The following AGBL1 variants were observed in gnomAD, a reference collection of about 807,000 sequenced individuals.
AGBL1 encodes the protein cytosolic carboxypeptidase 4.
AGBL1 carries 130 observed loss-of-function variants against 118.9 expected under a neutral mutation model. The ratio of observed to expected loss-of-function variants is 1.09; its 90% confidence interval spans 0.95 to 1.26. AGBL1 has a LOEUF of 1.26. Ranked by LOEUF, AGBL1 falls within the 50% of genes most tolerant of loss-of-function variation. AGBL1 has a pLI of 0.00. For synonymous variants in AGBL1, 555 were observed against 478.9 expected (o/e 1.16, Z -2.08); for missense variants, 1,584 against 1,298.1 (o/e 1.22, Z -3.38).
intron 24 of AGBL1, among the ~76,000 whole-genome samples, chr15:86,994,307 C>A (rs1403092007): frequency 6.9e-6 from 1 of 144,206 alleles, no homozygotes; most frequent in African/African-American, 2.9e-5. Context: ...ATATCTCTCT[C>A]TCTCTATATA....
At chr15:86,991,751 A>G (rs2081338015) in intron 24 of AGBL1, among the ~76,000 whole-genome samples, 2 of 152,100 alleles carry the variant, frequency 1.3e-5, no homozygotes, top group Non-Finnish European at 2.9e-5. Context: ...AGCACTGCGT[A>G]TGGTTTCCTC....
chr15:86,952,041 G>T (rs1292429133), intron 23 of AGBL1, among the ~76,000 whole-genome samples: 1 of 152,006 alleles, frequency 6.6e-6, no homozygotes, highest in East Asian at 1.9e-4. Context: ...GACCAGCCTG[G>T]TCGACATGGT....
intron 22 of AGBL1, among the ~76,000 whole-genome samples, chr15:86,761,657 G>A (rs894302630): frequency 3.3e-5 from 5 of 152,002 alleles, no homozygotes; most frequent in African/African-American, 1.2e-4. Context: ...ATAATCATTT[G>A]TGCACTTTTT....
chr15:86,597,975 C>G (rs1170019822), intron 21 of AGBL1, among the ~76,000 whole-genome samples: 2 of 152,068 alleles, frequency 1.3e-5, no homozygotes, highest in Admixed American at 1.3e-4. Context: ...CCTGAGCTGA[C>G]TGATTTGGAG....
intron 22 of AGBL1, among the ~76,000 whole-genome samples, chr15:86,704,541 A>G (rs1489916558): frequency 7.2e-5 from 11 of 152,210 alleles, no homozygotes; most frequent in African/African-American, 1.2e-4. Flanking sequence ...GAAGTTCATC[A>G]TCACTGGTCA....
At chr15:86,436,807 A>G (rs2082005636) in intron 18 of AGBL1, among the ~76,000 whole-genome samples, 1 of 152,216 alleles carries the variant, frequency 6.6e-6, no homozygotes, top group South Asian at 2.1e-4. Flanking sequence ...GGATGTATAA[A>G]TACTTTTTTT....
chr15:86,756,239 C>T (rs1000831223), intron 22 of AGBL1, among the ~76,000 whole-genome samples: 1 of 151,342 alleles, frequency 6.6e-6, no homozygotes, highest in African/African-American at 2.5e-5. Context: ...GTAGTGCCCC[C>T]GCCCCCACCA....
chr15:86,610,283 G>T (rs2084638825), intron 21 of AGBL1, among the ~76,000 whole-genome samples: 1 of 133,818 alleles, frequency 7.5e-6, no homozygotes, highest in African/African-American at 2.4e-5. Context: ...CTCCAACACA[G>T]CAGACTGAGA....
intron 23 of AGBL1, among the ~76,000 whole-genome samples, chr15:86,985,082 T>G (rs1324181741): frequency 6.6e-6 from 1 of 152,238 alleles, no homozygotes; most frequent in Non-Finnish European, 1.5e-5. Flanking sequence ...ATCCTAATTT[T>G]ATTGCAAAAT....
chr15:86,499,576 T>G (rs913952436), intron 18 of AGBL1, among the ~76,000 whole-genome samples: 1 of 151,874 alleles, frequency 6.6e-6, no homozygotes, highest in African/African-American at 2.4e-5. Context: ...AAAGGAGGAT[T>G]GTACATTGAC....
chr15:86,916,415 G>T (rs1441540977), downstream of AGBL1, among the ~76,000 whole-genome samples: 1 of 151,984 alleles, frequency 6.6e-6, no homozygotes, highest in African/African-American at 2.4e-5. Flanking sequence ...CCTGGACTTT[G>T]TGTGTGTGTG....
intron 21 of AGBL1, among the ~76,000 whole-genome samples, chr15:86,673,819 T>C (rs945109614): frequency 1.3e-5 from 2 of 152,198 alleles, no homozygotes; most frequent in Non-Finnish European, 2.9e-5. Context: ...AGTATTTATA[T>C]ATGAAATATT....
rs943105414 is a variant in AGBL1, at chr15:86,484,868, T to A, written c.2556-37942T>A. Among the ~76,000 whole-genome samples the A allele has an allele frequency of 1.7e-4, 26 of 152,254 alleles. 1 individual carries two copies. The highest frequency in any genetic ancestry group is 1.2e-3 in the Admixed American group (18 of 15,278). Reference sequence around the variant, plus strand: ...CCAGATCAGAATCACTGGAGGTGACTGAAAAACACTTGAAATAGTTTCCCG... The same window carrying A: ...CCAGATCAGAATCACTGGAGGTGACAGAAAAACACTTGAAATAGTTTCCCG... On this transcript the variant is annotated intron_variant, in intron 18 of 22. Coordinates refer to ENST00000614907, the MANE Select transcript of AGBL1 (RefSeq NM_001386094.1).
intron 18 of AGBL1, among the ~76,000 whole-genome samples, chr15:86,504,840 G>A (rs142748403): frequency 1.7e-3 from 257 of 151,628 alleles, no homozygotes; most frequent in African/African-American, 5.5e-3. Flanking sequence ...TTATATTTAC[G>A]TATGTATTAA....
At chr15:86,566,006 C>T (rs552073297) in intron 21 of AGBL1, among the ~76,000 whole-genome samples, 37 of 152,300 alleles carry the variant, frequency 2.4e-4, no homozygotes, top group African/African-American at 2.9e-4. Context: ...GGGAGTGACC[C>T]AATTTTCCAG....
intron 21 of AGBL1, among the ~76,000 whole-genome samples, chr15:86,606,400 G>A (rs190021524): frequency 6.6e-6 from 1 of 152,236 alleles, no homozygotes; most frequent in African/African-American, 2.4e-5. Context: ...AAGACAGAGA[G>A]ATGGCCAAAA....
chr15:86,149,613 C>A (rs911174273), intron 3 of AGBL1, among the ~76,000 whole-genome samples: 1 of 152,146 alleles, frequency 6.6e-6, no homozygotes, highest in Non-Finnish European at 1.5e-5. Context: ...TACAGGAGCA[C>A]CCAGATTCAT....
At position 86,350,395 on chromosome 15, in the gene AGBL1, ACAAAT is replaced by A. The variant is rs538409684; in HGVS notation, c.2375-46966_2375-46962del. 3.5e-4 allele frequency among the ~76,000 whole-genome samples: 54 copies of A among 152,322 alleles called. 1 individual carries two copies. The highest frequency in any genetic ancestry group is 3.1e-3 in the Admixed American group (47 of 15,302). On this transcript the variant is annotated intron_variant, in intron 17 of 22. Transcript: ENST00000614907. ...ATGTGAAGTCTTGAGTGGTTGTTTG[ACAAAT>A]CAAAGAAAGGTGATGAGCCCATGTT...
chr15:86,184,602 A>T (rs886457954), intron 5 of AGBL1, among the ~76,000 whole-genome samples: 5 of 152,106 alleles, frequency 3.3e-5, no homozygotes, highest in Non-Finnish European at 5.9e-5. Context: ...ACTTTCAGGT[A>T]CACAAATCAA....
Sources: allele counts gnomAD v4.1 joint callset (sites outside exome capture counted in the v4.1 genomes callset), GRCh38; gene constraint gnomAD v4.1.1; transcripts MANE v1.5; gene names NCBI Gene and HGNC (gene_info 2026-07-23, HGNC 2026-07-21).